TATDN1: variants seen among roughly 807,000 people sequenced by gnomAD.
The protein encoded by TATDN1 is deoxyribonuclease TATDN1.
Under a neutral mutation model 46.4 loss-of-function variants are expected in TATDN1, and 40 were observed. That is an observed-to-expected ratio of 0.86 (90% confidence interval 0.67 to 1.12). TATDN1 has a LOEUF of 1.12. TATDN1 is among the 50% of genes most tolerant of loss of function. The probability of loss-of-function intolerance (pLI) is 0.00; values close to 1 mark genes in which losing one functional copy is unlikely to be tolerated. For synonymous variants in TATDN1, 95 were observed against 105.6 expected, an observed-to-expected ratio of 0.90 and a Z score of 0.62; for missense variants, 326 against 348.4, an observed-to-expected ratio of 0.94 and a Z score of 0.51.
intron 8 of TATDN1, among the ~76,000 whole-genome samples, chr8:124,508,236 T>C (rs1818682740): frequency 6.6e-6 from 1 of 152,222 alleles, no homozygotes; most frequent in African/African-American, 2.4e-5. Context: ...AGTCTAAACA[T>C]GAAATTCATT....
intron 9 of TATDN1, among the ~76,000 whole-genome samples, chr8:124,502,258 G>A (rs771929997): frequency 4.0e-5 from 6 of 151,454 alleles, no homozygotes; most frequent in Non-Finnish European, 8.8e-5. Flanking sequence ...GGAGAATGGC[G>A]TGAACCCGGG....
chr8:124,492,329 T>G (rs1255159301), intron 11 of TATDN1, among the ~76,000 whole-genome samples: 1 of 152,184 alleles, frequency 6.6e-6, no homozygotes, highest in Non-Finnish European at 1.5e-5. Flanking sequence ...AATTTTGTCT[T>G]GCAAATATAT....
At chr8:124,504,817 G>C (rs1320838424) in intron 8 of TATDN1, 1 of 151,390 alleles carries the variant, frequency 6.6e-6, no homozygotes, top group Non-Finnish European at 1.5e-5. Context: ...CGCGATCTTG[G>C]CTCACTGCAA....
chr8:124,530,725 C>T (rs980236496), intron 1 of TATDN1, among the ~76,000 whole-genome samples: 54 of 152,120 alleles, frequency 3.5e-4, no homozygotes, highest in African/African-American at 1.3e-3. Context: ...AGCTAAACAT[C>T]GAAGTTATCT....
chr8:124,493,815 T>C lies in TATDN1; in HGVS notation c.791+18A>G. ...GGTTAACTAATGATTTTGAAGACCA[T>C]GAAAGCAAAATACTCACATTATATG... On this transcript the variant is annotated intron_variant, in intron 11 of 11. Transcript: ENST00000276692. 6.3e-7 allele frequency: 1 copy of C among 1,585,896 alleles called. No individual in the cohort carries two copies. The highest frequency in any genetic ancestry group is 8.5e-7 in the Non-Finnish European group (1 of 1,171,144).
In TATDN1 at chr8:124,508,704, A is replaced by C. The variant is rs199509364; in HGVS notation, c.390-16T>G. On this transcript the variant is annotated splice_polypyrimidine_tract_variant and intron_variant, in intron 6 of 11. Coordinates refer to ENST00000276692, the MANE Select transcript of TATDN1 (RefSeq NM_032026.4). ...TTCAAAATATCTGCATAATGCAAAAAAAAAAAATTCTCATTACAAATTGTA... is the reference window on the plus strand; with the variant it reads ...TTCAAAATATCTGCATAATGCAAAACAAAAAAATTCTCATTACAAATTGTA... 1.2e-4 allele frequency: 179 copies of C among 1,467,496 alleles called. 1 individual carries two copies. The highest frequency in any genetic ancestry group is 2.6e-5 in the South Asian group (2 of 75,778). The allele number at this position is 1,467,496 out of a possible 1,614,324, so 90.9% of individuals were successfully genotyped here.
chr8:124,537,944 T>C (rs1435526737), intron 1 of TATDN1, among the ~76,000 whole-genome samples: 1 of 120,088 alleles, frequency 8.3e-6, no homozygotes, highest in Non-Finnish European at 1.9e-5. Context: ...GCACAACGTC[T>C]TTGAAAAAAA....
At position 124,499,108 on chromosome 8, in the gene TATDN1, G is replaced by A. The variant is rs982269633; in HGVS notation, c.594-3566C>T. Among the ~76,000 whole-genome samples, 4 of 151,668 alleles carry A rather than the reference G, an allele frequency of 2.6e-5. No individual in the cohort carries two copies. The South Asian group carries it at 8.3e-4, about 32-fold the overall frequency. ...ACAGAACATTTCTTAGCAAAACTCT[G>A]GCCCTTTTTCTTTGCTATTACAGAT... On this transcript the variant is annotated intron_variant, in intron 9 of 11. Transcript: ENST00000276692.
At chr8:124,522,070 T>C (rs1820092900) in intron 3 of TATDN1, 81 bp downstream of exon 3, 3 of 975,962 alleles carry the variant, frequency 3.1e-6, no homozygotes, top group Non-Finnish European at 3.2e-6. Context: ...GGTTTGTTCC[T>C]TTCTATTCTG....
chr8:124,533,167 G>C (rs558865155), intron 1 of TATDN1, among the ~76,000 whole-genome samples: 1 of 152,078 alleles, frequency 6.6e-6, no homozygotes, highest in East Asian at 1.9e-4. Flanking sequence ...CAGGAGAATG[G>C]TGTGAATCCG....
intron 8 of TATDN1, among the ~76,000 whole-genome samples, chr8:124,505,162 A>C (rs1586594128): frequency 6.6e-6 from 1 of 151,152 alleles, no homozygotes; most frequent in East Asian, 2.0e-4. Context: ...AGGCTGGTGG[A>C]TCACCTGAGG....
chr8:124,515,237 C>T (rs1170848416), intron 6 of TATDN1, among the ~76,000 whole-genome samples: 1 of 151,986 alleles, frequency 6.6e-6, no homozygotes, highest in Non-Finnish European at 1.5e-5. Context: ...AAAAATTAGC[C>T]GGGCATGGTG....
At chr8:124,510,991 T>C (rs1818953714) in intron 6 of TATDN1, among the ~76,000 whole-genome samples, 3 of 152,152 alleles carry the variant, frequency 2.0e-5, no homozygotes, top group South Asian at 2.1e-4. Flanking sequence ...TAACTAGTAC[T>C]GAACATCAAA....
chr8:124,516,896 G>A (rs559707512), intron 4 of TATDN1, among the ~76,000 whole-genome samples: 49 of 152,206 alleles, frequency 3.2e-4, no homozygotes, highest in African/African-American at 1.2e-3. Context: ...AGCTGAGCCC[G>A]AACCATGGGA....
chr8:124,506,390 G>C (rs1035485644), intron 8 of TATDN1, among the ~76,000 whole-genome samples: 3 of 150,560 alleles, frequency 2.0e-5, no homozygotes, highest in African/African-American at 7.3e-5. Flanking sequence ...TAAAGCAAAT[G>C]GGCTGAGAGG....
Position 124,538,950 on chromosome 8 carries a change from G to A in TATDN1, c.22+75C>T, listed in dbSNP as rs766904251. ...TACAATGCCGGAGGGCGCAATTCCT[G>A]GGTCCTGTGACCTTGGTGACCGACG... On this transcript the variant is annotated intron_variant, in intron 1 of 11. Transcript: ENST00000276692. 1.5e-5 allele frequency: 23 copies of A among 1,582,706 alleles called. No homozygotes were observed. In the African/African-American group the frequency reaches 2.6e-4, roughly 18 times the overall value.
At chr8:124,538,277 T>C (rs1821660746) in intron 1 of TATDN1, 2 of 152,408 alleles carry the variant, frequency 1.3e-5, no homozygotes, top group Admixed American at 6.5e-5. Context: ...CTTGAAATGC[T>C]TCCCTACCTC....
At chr8:124,493,612 T>C (rs530842344) in intron 11 of TATDN1, among the ~76,000 whole-genome samples, 7 of 152,358 alleles carry the variant, frequency 4.6e-5, no homozygotes, top group African/African-American at 1.4e-4. Context: ...AATATTCTGC[T>C]AAGGCTTTCT....
intron 8 of TATDN1, among the ~76,000 whole-genome samples, chr8:124,505,076 A>G (rs931426553): frequency 1.3e-5 from 2 of 150,870 alleles, no homozygotes; most frequent in Non-Finnish European, 3.0e-5. Flanking sequence ...TTTGTGGAAG[A>G]GAAATTACTT....
Sources: allele counts gnomAD v4.1 joint callset (sites outside exome capture counted in the v4.1 genomes callset), GRCh38; gene constraint gnomAD v4.1.1; transcripts MANE v1.5; gene names NCBI Gene and HGNC (gene_info 2026-07-23, HGNC 2026-07-21).